The following RIMKLB variants were observed in gnomAD, a reference collection of about 807,000 sequenced individuals.
RIMKLB encodes ribosomal modification protein rimK like family member B.
A neutral mutation model predicts 32.0 loss-of-function variants in RIMKLB; 7 were observed. The observed-to-expected ratio is 0.22, with a 90% CI of 0.12 to 0.41. RIMKLB has a LOEUF of 0.41. RIMKLB is among the 10% of genes least tolerant of loss of function. The pLI is 1.00. For missense variants in RIMKLB, 289 were observed against 498.7 expected (o/e 0.58, Z 4.00); for synonymous variants, 172 against 185.1 (o/e 0.93, Z 0.57).
In RIMKLB at chr12:8,774,826, A is replaced by G. The variant is rs1950632377; in HGVS notation, c.*1042A>G. 1 of 985,606 alleles carries G rather than the reference A, an allele frequency of 1.0e-6. No individual in the cohort carries two copies. Among genetic ancestry groups the G allele is most frequent in the Non-Finnish European group, 1.2e-6 (1 of 829,892 alleles). The allele number at this position is 985,606 out of a possible 1,614,324, so 61.1% of individuals were successfully genotyped here. A position where few individuals can be genotyped will look rare whatever the true frequency, so the allele number is the denominator to read the frequency against. On this transcript the variant is annotated 3_prime_UTR_variant, in exon 6 of 6. Coordinates refer to ENST00000535829, the MANE Select transcript of RIMKLB (RefSeq NM_001297776.2). ...TAAGTATAAAGCTGAAGTGATTTCG[A>G]ATGCCAGCGTTATATATTTGCATTT...
At chr12:8,780,162 A>G (rs1054633211), downstream of RIMKLB, 2 of 152,210 alleles carry the variant, frequency 1.3e-5, no homozygotes, top group African/African-American at 4.8e-5. Flanking sequence ...AAAAACTTTT[A>G]TATTGCTGCA....
chr12:8,750,123 A>G (rs763800435), intron 3 of RIMKLB, 31 bp downstream of exon 3: 7 of 1,317,852 alleles, frequency 5.3e-6, no homozygotes, highest in Non-Finnish European at 7.7e-6. Flanking sequence ...ACATAGCCTG[A>G]ATATTAACCA....
intron 1 of RIMKLB, among the ~76,000 whole-genome samples, chr12:8,706,856 G>A (rs891668303): frequency 6.6e-6 from 1 of 152,186 alleles, no homozygotes; most frequent in Non-Finnish European, 1.5e-5. Context: ...ATTTAGTTGA[G>A]AAAGAAATAT....
rs146435845 is a variant in RIMKLB, at chr12:8,762,807, G to T, written c.697+8714G>T. On this transcript the variant is annotated intron_variant, in intron 5 of 5. Transcript: ENST00000535829. ...CTGAGCACTGCGTACCCTGCTTTTC[G>T]AAGTCCTTTTTCTACAAAGGAACTT... 2.0e-3 allele frequency among the ~76,000 whole-genome samples: 299 copies of T among 152,278 alleles called. 1 individual carries two copies. The highest frequency in any genetic ancestry group is 6.9e-3 in the African/African-American group (288 of 41,556).
chr12:8,720,576 C>T (rs1477711327), intron 2 of RIMKLB, among the ~76,000 whole-genome samples: 1 of 152,162 alleles, frequency 6.6e-6, no homozygotes, highest in African/African-American at 2.4e-5. Context: ...GAGTTTGGCT[C>T]TTGTCGCCCA....
intron 2 of RIMKLB, among the ~76,000 whole-genome samples, chr12:8,746,626 A>G (rs1001879833): frequency 1.3e-5 from 2 of 151,708 alleles, no homozygotes; most frequent in African/African-American, 4.8e-5. Context: ...AGAAAAAGAT[A>G]TCAAGATGCT....
chr12:8,779,859 T>C (rs1300138879), downstream of RIMKLB: 1 of 152,102 alleles, frequency 6.6e-6, no homozygotes, highest in African/African-American at 2.4e-5. Context: ...CTATTACATT[T>C]GTCATTCTGT....
chr12:8,751,917 T>C lies in RIMKLB; in HGVS notation c.407-40T>C, dbSNP rs748602316. The C allele has an allele frequency of 1.0e-5, 13 of 1,239,710 alleles. No homozygotes were observed. In the African/African-American group the frequency reaches 1.8e-4, roughly 17 times the overall value. 76.8% of individuals were successfully genotyped at this position (1,239,710 alleles called of 1,614,324 possible). Reference sequence around the variant, plus strand: ...GATAAAATTGATCACAAAATACTTCTGCTGCTGTTTGTCTTAAATTTTTGT... The same window carrying C: ...GATAAAATTGATCACAAAATACTTCCGCTGCTGTTTGTCTTAAATTTTTGT... On this transcript the variant is annotated intron_variant, in intron 3 of 5. Coordinates refer to ENST00000535829, the MANE Select transcript of RIMKLB (RefSeq NM_001297776.2).
intron 2 of RIMKLB, among the ~76,000 whole-genome samples, chr12:8,735,739 T>C (rs868425328): frequency 1.5e-4 from 21 of 142,338 alleles, no homozygotes; most frequent in Non-Finnish European, 2.2e-4. Context: ...GTCTGTCTGT[T>C]TGTTTTTTAA....
chr12:8,670,562 C>T, the RIMKLB span, among the ~76,000 whole-genome samples: 1 of 152,212 alleles, frequency 6.6e-6, no homozygotes. Context: ...GCAGCTCTGC[C>T]CCTGTGGCTT....
chr12:8,732,153 G>A (rs932982039), intron 2 of RIMKLB, among the ~76,000 whole-genome samples: 15 of 151,952 alleles, frequency 9.9e-5, no homozygotes, highest in Non-Finnish European at 2.2e-4. Context: ...GGAGATTTTT[G>A]TAGATTTAAT....
In RIMKLB at chr12:8,774,820, A is replaced by G; in HGVS notation, c.*1036A>G. On this transcript the variant is annotated 3_prime_UTR_variant, in exon 6 of 6. Transcript: ENST00000535829. ...GAGTTCTAAGTATAAAGCTGAAGTGATTTCGAATGCCAGCGTTATATATTT... is the reference window on the plus strand; with the variant it reads ...GAGTTCTAAGTATAAAGCTGAAGTGGTTTCGAATGCCAGCGTTATATATTT... 1 of 985,578 alleles carries G rather than the reference A, an allele frequency of 1.0e-6. No individual in the cohort carries two copies. Among genetic ancestry groups the G allele is most frequent in the Non-Finnish European group, 1.2e-6 (1 of 829,902 alleles). 61.1% of individuals were successfully genotyped at this position (985,578 alleles called of 1,614,324 possible).
chr12:8,679,874 G>A (rs1022324180), upstream of RIMKLB, among the ~76,000 whole-genome samples: 8 of 152,222 alleles, frequency 5.3e-5, no homozygotes, highest in African/African-American at 1.9e-4. Flanking sequence ...CTGGGTAAAT[G>A]AGGTTGAAAC....
At chr12:8,700,645 A>T (rs983739934) in intron 1 of RIMKLB, 1 of 152,230 alleles carries the variant, frequency 6.6e-6, no homozygotes, top group Non-Finnish European at 1.5e-5. Context: ...CTTGCTGACA[A>T]CTGTTTTGGG....
At chr12:8,729,460 C>T (rs958708911) in intron 2 of RIMKLB, among the ~76,000 whole-genome samples, 1 of 152,140 alleles carries the variant, frequency 6.6e-6, no homozygotes, top group Non-Finnish European at 1.5e-5. Flanking sequence ...TCTCTGATAT[C>T]TAACCATAGT....
chr12:8,719,825 T>C (rs1945258509), intron 2 of RIMKLB, among the ~76,000 whole-genome samples: 1 of 152,228 alleles, frequency 6.6e-6, no homozygotes, highest in African/African-American at 2.4e-5. Flanking sequence ...ATGAAATGCC[T>C]GTTTCATAAA....
downstream of RIMKLB, among the ~76,000 whole-genome samples, chr12:8,781,186 C>T (rs1951011090): frequency 6.6e-6 from 1 of 152,024 alleles, no homozygotes; most frequent in South Asian, 2.1e-4. Flanking sequence ...ACTAAAAATA[C>T]AAAAATAAGC....
intron 1 of RIMKLB, among the ~76,000 whole-genome samples, chr12:8,698,538 G>C (rs2136642163): frequency 6.6e-6 from 1 of 152,206 alleles, no homozygotes; most frequent in Non-Finnish European, 1.5e-5. Flanking sequence ...GCGCCGGCCC[G>C]TGGCGTGTGC....
chr12:8,680,249 A>G (rs942109770), upstream of RIMKLB, among the ~76,000 whole-genome samples: 2 of 152,076 alleles, frequency 1.3e-5, no homozygotes, highest in Admixed American at 6.5e-5. Flanking sequence ...TCCGCCTCCC[A>G]GGCTCACGCC....
Sources: allele counts gnomAD v4.1 joint callset (sites outside exome capture counted in the v4.1 genomes callset), GRCh38; gene constraint gnomAD v4.1.1; transcripts MANE v1.5; gene names NCBI Gene and HGNC (gene_info 2026-07-23, HGNC 2026-07-21).